HEATR3: variants seen among roughly 807,000 people sequenced by gnomAD.
HEATR3 encodes HEAT repeat containing 3, also known as HEAT repeat-containing protein 3.
A neutral mutation model predicts 72.8 loss-of-function variants in HEATR3; 56 were observed. That is an observed-to-expected ratio of 0.77 (90% CI 0.62 to 0.96). HEATR3 has a LOEUF of 0.96. HEATR3 is among the 40% of genes least tolerant of loss of function. The pLI is 0.00. For synonymous variants in HEATR3, 331 were observed against 318.1 expected, an observed-to-expected ratio of 1.04 and a Z score of -0.43; for missense variants, 747 against 831.4, an observed-to-expected ratio of 0.90 and a Z score of 1.25.
At chr16:50,101,101 C>G (rs1034185236) in intron 13 of HEATR3, among the ~76,000 whole-genome samples, 21 of 132,750 alleles carry the variant, frequency 1.6e-4, no homozygotes, top group African/African-American at 5.6e-4. Context: ...ATGATACTTG[C>G]AAAGCTTTTT....
intron 7 of HEATR3, among the ~76,000 whole-genome samples, chr16:50,082,903 G>C (rs1387199367): frequency 6.6e-6 from 1 of 151,256 alleles, no homozygotes; most frequent in East Asian, 1.9e-4. Context: ...GGATTCTCCT[G>C]CCTTGGCCTC....
At chr16:50,083,605 T>G (rs1266150550) in intron 7 of HEATR3, among the ~76,000 whole-genome samples, 1 of 152,198 alleles carries the variant, frequency 6.6e-6, no homozygotes, top group Non-Finnish European at 1.5e-5. Context: ...GCCCAGCTAC[T>G]TCTTGACACA....
intron 11 of HEATR3, among the ~76,000 whole-genome samples, chr16:50,089,911 C>T (rs1235285181): frequency 3.3e-5 from 5 of 152,108 alleles, no homozygotes; most frequent in Admixed American, 1.3e-4. Context: ...GTGATCCACC[C>T]GCCTCGACCT....
chr16:50,083,770 T>C (rs1385745046), intron 7 of HEATR3, among the ~76,000 whole-genome samples, 167 bp from the exon 8 acceptor site: 1 of 152,174 alleles, frequency 6.6e-6, no homozygotes. Context: ...ATTATAATGC[T>C]CGTTTGTACT....
intron 14 of HEATR3, among the ~76,000 whole-genome samples, chr16:50,104,492 A>G (rs920096682): frequency 6.6e-6 from 1 of 152,156 alleles, no homozygotes; most frequent in Non-Finnish European, 1.5e-5. Context: ...GGCCTCCCAA[A>G]CTGCTGGGAT....
At chr16:50,076,030 T>TTA (rs946083269) in intron 6 of HEATR3, among the ~76,000 whole-genome samples, 7 of 151,860 alleles carry the variant, frequency 4.6e-5, no homozygotes, top group Non-Finnish European at 8.8e-5. Flanking sequence ...TTTTTTTTTT[T>TTA]AACCACCAAC....
intron 11 of HEATR3, 33 bp from the exon 12 acceptor site, chr16:50,094,672 A>T: frequency 7.5e-7 from 1 of 1,327,118 alleles, no homozygotes; most frequent in Non-Finnish European, 1.0e-6. Flanking sequence ...TCTTGGAGAA[A>T]TGCAAATTTT....
At chr16:50,083,453 C>T (rs1258199253) in intron 7 of HEATR3, among the ~76,000 whole-genome samples, 1 of 152,126 alleles carries the variant, frequency 6.6e-6, no homozygotes, top group Non-Finnish European at 1.5e-5. Flanking sequence ...ATAGCAAGTT[C>T]TACAGGTCAC....
At chr16:50,070,952 G>T (rs1253453403) in intron 4 of HEATR3, among the ~76,000 whole-genome samples, 2 of 152,162 alleles carry the variant, frequency 1.3e-5, no homozygotes, top group African/African-American at 4.8e-5. Context: ...GTGCAGCTTT[G>T]GTTTGGCCTC....
At chr16:50,070,112 C>T (rs2036578368) in intron 3 of HEATR3, 66 bp from the exon 4 acceptor site, 4 of 707,706 alleles carry the variant, frequency 5.7e-6, no homozygotes, top group Non-Finnish European at 9.4e-6. Context: ...GTTTCATCAC[C>T]ATCATTACCC....
At chr16:50,077,543 A>C (rs1397271590) in intron 6 of HEATR3, among the ~76,000 whole-genome samples, 1 of 152,188 alleles carries the variant, frequency 6.6e-6, no homozygotes, top group South Asian at 2.1e-4. Flanking sequence ...TTCATCTTGC[A>C]AAACTGAAAC....
At chr16:50,102,067 A>T (rs2037378847) in intron 13 of HEATR3, among the ~76,000 whole-genome samples, 192 bp from the exon 14 acceptor site, 1 of 152,168 alleles carries the variant, frequency 6.6e-6, no homozygotes, top group East Asian at 1.9e-4. Context: ...ATGAATATAA[A>T]CTATAATATG....
At chr16:50,087,490 T>C (rs1041822705) in intron 11 of HEATR3, among the ~76,000 whole-genome samples, 1 of 152,220 alleles carries the variant, frequency 6.6e-6, no homozygotes, top group African/African-American at 2.4e-5. Flanking sequence ...TAGTAAAATC[T>C]TACTTAATTT....
chr16:50,071,757 TTTAG>T (rs2036617160), intron 4 of HEATR3, among the ~76,000 whole-genome samples: 1 of 152,212 alleles, frequency 6.6e-6, no homozygotes, highest in Admixed American at 6.5e-5. Context: ...AGTTTAATAA[TTTAG>T]TCAGCTCTGT....
intron 14 of HEATR3, among the ~76,000 whole-genome samples, chr16:50,102,951 C>T (rs139280777): frequency 1.3e-5 from 2 of 151,890 alleles, no homozygotes; most frequent in African/African-American, 2.4e-5. Flanking sequence ...TTAGTAGAAA[C>T]GGGGATTCGC....
At chr16:50,095,405 CTTTTTTT>C (rs60357183) in intron 12 of HEATR3, among the ~76,000 whole-genome samples, 1 of 136,124 alleles carries the variant, frequency 7.3e-6, no homozygotes, top group Non-Finnish European at 1.6e-5. Flanking sequence ...CCGTACCCAG[CTTTTTTT>C]TTTTTTTTTT....
intron 14 of HEATR3, among the ~76,000 whole-genome samples, chr16:50,103,172 A>G (rs1555504141): frequency 6.6e-6 from 1 of 152,238 alleles, no homozygotes; most frequent in Non-Finnish European, 1.5e-5. Context: ...AGATATATTA[A>G]TAGTTAGAGT....
chr16:50,087,306 G>T (rs1289500625), intron 11 of HEATR3, among the ~76,000 whole-genome samples: 1 of 152,130 alleles, frequency 6.6e-6, no homozygotes, highest in Non-Finnish European at 1.5e-5. Context: ...ACAGGTCTCT[G>T]ATACGGATTA....
rs2037495381 is a variant in HEATR3 at position 50,106,789 on chromosome 16, T to A, written c.*1728T>A. On this transcript the variant is annotated 3_prime_UTR_variant, in exon 15 of 15. Coordinates refer to ENST00000299192, the MANE Select transcript of HEATR3 (RefSeq NM_182922.4). ...ACAAAATGAGCTAGTAGTGTTAGAT[T>A]TCATCTGCACTGTGATGTATTTTAC... The A allele has an allele frequency of 6.6e-6, 1 of 152,162 alleles. No homozygotes were observed. The highest frequency in any genetic ancestry group is 1.5e-5 in the Non-Finnish European group (1 of 68,030). The allele number at this position is 152,162 out of a possible 1,614,324, so 9.4% of individuals were successfully genotyped here.
Sources: gnomAD v4.1 joint callset for allele counts (sites outside exome capture counted in the v4.1 genomes callset) on GRCh38, gnomAD v4.1.1 for gene constraint, MANE v1.5 for transcripts, NCBI Gene and HGNC (gene_info 2026-07-23, HGNC 2026-07-21) for gene names.